The following FOXP1 variants were observed in gnomAD, a reference collection of about 807,000 sequenced individuals.
FOXP1 encodes forkhead box P1, also known as forkhead box protein P1.
A neutral mutation model predicts 98.2 loss-of-function variants in FOXP1; 15 were observed. That is an observed-to-expected ratio of 0.15 (90% CI 0.10 to 0.24). The LOEUF is 0.24. Among genes scored for constraint, FOXP1 ranks in the 10% least tolerant of loss-of-function variants. The probability of loss-of-function intolerance (pLI) is 1.00; values close to 1 mark genes in which losing one functional copy is unlikely to be tolerated. For missense variants in FOXP1, 633 were observed against 848.5 expected (o/e 0.75, Z 3.15); for synonymous variants, 371 against 314.5 (o/e 1.18, Z -1.90).
At chr3:71,418,592 C>T (rs879745237) in intron 3 of FOXP1, among the ~76,000 whole-genome samples, 1 of 152,092 alleles carries the variant, frequency 6.6e-6, no homozygotes, top group Admixed American at 6.5e-5. Context: ...CTCAAAAGAG[C>T]TAATAGGGGA....
intron 19 of FOXP1, chr3:70,968,337 C>CACTA (rs1196350038): frequency 2.0e-5 from 3 of 150,632 alleles, no homozygotes; most frequent in Non-Finnish European, 2.9e-5. Flanking sequence ...GATAAATTTT[C>CACTA]ACTAACTGCT....
At chr3:71,348,546 T>TGC (rs1365387269) in intron 4 of FOXP1, among the ~76,000 whole-genome samples, 21 of 131,174 alleles carry the variant, frequency 1.6e-4, no homozygotes, top group African/African-American at 6.3e-4. Flanking sequence ...TGTGTGTGTG[T>TGC]GTGCGTGCGC....
intron 3 of FOXP1, among the ~76,000 whole-genome samples, chr3:71,479,780 G>C (rs1481538641): frequency 4.6e-5 from 7 of 151,502 alleles, no homozygotes; most frequent in Non-Finnish European, 1.0e-4. Context: ...AAAATTATAA[G>C]GATTAAGGAC....
At chr3:71,345,865 T>A (rs2077309643) in intron 4 of FOXP1, among the ~76,000 whole-genome samples, 1 of 37,934 alleles carries the variant, frequency 2.6e-5, no homozygotes, top group East Asian at 1.8e-3. Context: ...ATCAATAAAG[T>A]TTTTGTAAAA....
intron 4 of FOXP1, among the ~76,000 whole-genome samples, chr3:71,338,906 C>T (rs988875230): frequency 8.5e-5 from 13 of 152,144 alleles, no homozygotes; most frequent in African/African-American, 3.1e-4. Flanking sequence ...CTAAGAAACA[C>T]ACTAGCTTTG....
At chr3:71,081,186 A>G (rs2054373602) in intron 7 of FOXP1, among the ~76,000 whole-genome samples, 1 of 152,242 alleles carries the variant, frequency 6.6e-6, no homozygotes, top group Non-Finnish European at 1.5e-5. Context: ...GGGCTCCTTC[A>G]GATCCCGTGG....
intron 3 of FOXP1, among the ~76,000 whole-genome samples, chr3:71,375,115 G>C (rs1279334637): frequency 6.6e-6 from 1 of 152,106 alleles, no homozygotes; most frequent in East Asian, 1.9e-4. Flanking sequence ...GTAAGACTAA[G>C]GAGAGAAAAA....
At chr3:71,190,040 C>T (rs568292260) in intron 6 of FOXP1, among the ~76,000 whole-genome samples, 5 of 152,304 alleles carry the variant, frequency 3.3e-5, no homozygotes, top group Non-Finnish European at 4.4e-5. Context: ...CTCATCTCTC[C>T]GGGATTTCTT....
chr3:71,096,969 G>T (rs1003070664), intron 7 of FOXP1, among the ~76,000 whole-genome samples: 1 of 152,126 alleles, frequency 6.6e-6, no homozygotes, highest in Non-Finnish European at 1.5e-5. Flanking sequence ...GTGTTAGGTG[G>T]CACCTCTGCG....
intron 7 of FOXP1, among the ~76,000 whole-genome samples, chr3:71,057,482 A>T (rs2050842650): frequency 6.6e-6 from 1 of 151,480 alleles, no homozygotes; most frequent in South Asian, 2.1e-4. Flanking sequence ...AAAAAAAAAA[A>T]AAATTTCCGA....
chr3:71,398,847 C>A (rs774661491), intron 3 of FOXP1, among the ~76,000 whole-genome samples: 16 of 152,114 alleles, frequency 1.1e-4, no homozygotes, highest in Non-Finnish European at 1.9e-4. Flanking sequence ...AAAGGAAATA[C>A]AATGCAAAAT....
At chr3:71,145,028 G>A (rs1056688457) in intron 6 of FOXP1, among the ~76,000 whole-genome samples, 13 of 152,138 alleles carry the variant, frequency 8.5e-5, no homozygotes, top group African/African-American at 3.1e-4. Flanking sequence ...TTCTTGCAGA[G>A]TAGGATTCCA....
intron 7 of FOXP1, among the ~76,000 whole-genome samples, chr3:71,063,729 T>C (rs987110197): frequency 1.3e-5 from 2 of 152,252 alleles, no homozygotes; most frequent in African/African-American, 4.8e-5. Context: ...TGCTGGAATC[T>C]ATGGAAATGA....
intron 2 of FOXP1, among the ~76,000 whole-genome samples, chr3:71,528,961 C>T (rs541071293): frequency 8.5e-5 from 13 of 152,296 alleles, no homozygotes; most frequent in Middle Eastern, 3.4e-3. Flanking sequence ...AACTAAGAAG[C>T]ATCTCTGGTT....
chr3:71,051,775 C>A (rs2049927187), intron 9 of FOXP1, among the ~76,000 whole-genome samples: 1 of 152,100 alleles, frequency 6.6e-6, no homozygotes, highest in Non-Finnish European at 1.5e-5. Flanking sequence ...TGAGTCTCAC[C>A]CACGCAGAAC....
intron 4 of FOXP1, among the ~76,000 whole-genome samples, chr3:71,339,483 T>C (rs80304552): frequency 6.6e-6 from 1 of 152,242 alleles, no homozygotes; most frequent in Admixed American, 6.5e-5. Context: ...CTCTCCTTGT[T>C]GTAACTCTTC....
intron 2 of FOXP1, chr3:71,571,506 T>C (rs1341003853): frequency 6.6e-6 from 1 of 152,148 alleles, no homozygotes; most frequent in Admixed American, 6.5e-5. Flanking sequence ...ATATTCTTAA[T>C]AAAATGTCAG....
Position 71,478,092 on chromosome 3 carries a change from C to T in FOXP1, c.-168+15334G>A, listed in dbSNP as rs557615865. On this transcript the variant is annotated intron_variant, in intron 3 of 20. Coordinates refer to ENST00000649528, the MANE Select transcript of FOXP1 (RefSeq NM_001349338.3). ...ACATTCATTAGGCTACAAATCAAAA[C>T]CCGTCTGTCCTTGACATCTCTTTAA... is the stretch of plus-strand genomic sequence containing the variant. Among the ~76,000 whole-genome samples the T allele has an allele frequency of 2.0e-5, 3 of 152,264 alleles. No individual in the cohort carries two copies. The South Asian group carries it at 6.2e-4, about 32-fold the overall frequency.
chr3:71,482,964 T>C (rs2090392849), intron 3 of FOXP1, among the ~76,000 whole-genome samples: 1 of 151,938 alleles, frequency 6.6e-6, no homozygotes, highest in Non-Finnish European at 1.5e-5. Flanking sequence ...GCCTCCCATG[T>C]AGCTGGGACT....
Sources: allele counts gnomAD v4.1 joint callset (sites outside exome capture counted in the v4.1 genomes callset), GRCh38; gene constraint gnomAD v4.1.1; transcripts MANE v1.5; gene names NCBI Gene and HGNC (gene_info 2026-07-23, HGNC 2026-07-21).